APBB2: variants seen among roughly 807,000 people sequenced by gnomAD.
APBB2 encodes the protein amyloid beta precursor protein binding family B member 2.
In APBB2, 38 loss-of-function variants were observed where a neutral mutation model predicts 82.5. That is an observed-to-expected ratio of 0.46 (90% CI 0.36 to 0.60). APBB2 has a LOEUF of 0.60. APBB2 is among the 20% of genes least tolerant of loss of function. APBB2 has a pLI of 0.00. For missense variants in APBB2, 772 were observed against 972.3 expected (o/e 0.79, Z 2.74); for synonymous variants, 341 against 368.2 (o/e 0.93, Z 0.85).
intron 12 of APBB2, chr4:40,880,684 T>C (rs1197649060): frequency 2.0e-6 from 2 of 985,330 alleles, no homozygotes; most frequent in East Asian, 2.3e-4. Flanking sequence ...TCTCCCTCGC[T>C]CTGCATCCAG....
At chr4:40,944,257 A>G (rs1445837508) in intron 7 of APBB2, among the ~76,000 whole-genome samples, 1 of 152,244 alleles carries the variant, frequency 6.6e-6, no homozygotes, top group Admixed American at 6.5e-5. Flanking sequence ...AAACACCACA[A>G]TGACATTTTT....
chr4:41,157,217 G>A, intron 1 of APBB2, among the ~76,000 whole-genome samples: 1 of 152,074 alleles, frequency 6.6e-6, no homozygotes, highest in Non-Finnish European at 1.5e-5. Flanking sequence ...TTTCCCCGAG[G>A]GCTCCAGAAT....
intron 12 of APBB2, among the ~76,000 whole-genome samples, chr4:40,877,335 G>A (rs1366520250): frequency 6.6e-6 from 1 of 152,168 alleles, no homozygotes; most frequent in East Asian, 1.9e-4. Flanking sequence ...CGTGGCACGT[G>A]GTTAGGAAAG....
At chr4:40,951,385 GGTA>G (rs1790113370) in intron 6 of APBB2, among the ~76,000 whole-genome samples, 1 of 152,200 alleles carries the variant, frequency 6.6e-6, no homozygotes, top group African/African-American at 2.4e-5. Flanking sequence ...GCCTAGTCGA[GGTA>G]TTTTTCAGTA....
At chr4:41,202,512 C>T (rs983140157) in intron 1 of APBB2, among the ~76,000 whole-genome samples, 10 of 152,164 alleles carry the variant, frequency 6.6e-5, no homozygotes, top group East Asian at 5.8e-4. Context: ...GGAGGAAGAA[C>T]GATAACGCCA....
At chr4:40,908,084 T>C (rs964163799) in intron 10 of APBB2, among the ~76,000 whole-genome samples, 1 of 151,522 alleles carries the variant, frequency 6.6e-6, no homozygotes, top group Admixed American at 6.6e-5. Context: ...TGTGTGTGTA[T>C]GTGTCTGTGT....
chr4:40,996,196 T>C (rs192447834), intron 6 of APBB2, among the ~76,000 whole-genome samples: 365 of 152,342 alleles, frequency 2.4e-3, no homozygotes, highest in Non-Finnish European at 4.4e-3. Context: ...TGAGAGTTCA[T>C]TGGTGAATGA....
At chr4:41,120,363 T>C (rs1752441363) in intron 2 of APBB2, among the ~76,000 whole-genome samples, 1 of 152,046 alleles carries the variant, frequency 6.6e-6, no homozygotes, top group Non-Finnish European at 1.5e-5. Flanking sequence ...CAAAGTGCCT[T>C]TGCATGCAGT....
intron 2 of APBB2, among the ~76,000 whole-genome samples, chr4:41,140,524 C>T (rs1758811118): frequency 1.3e-5 from 2 of 152,122 alleles, no homozygotes; most frequent in African/African-American, 4.8e-5. Flanking sequence ...TTGTTCTTAC[C>T]TCTAGAGATA....
intron 1 of APBB2, among the ~76,000 whole-genome samples, chr4:41,159,135 G>A (rs1373765230): frequency 6.6e-6 from 1 of 152,204 alleles, no homozygotes; most frequent in Non-Finnish European, 1.5e-5. Context: ...CCTCCTCCAA[G>A]AGAGGACTGT....
chr4:41,199,032 A>G (rs560920313), intron 1 of APBB2, among the ~76,000 whole-genome samples: 109 of 152,358 alleles, frequency 7.2e-4, no homozygotes, highest in Non-Finnish European at 1.3e-3. Context: ...AAAACCAGTT[A>G]TAAGGAATTA....
intron 3 of APBB2, among the ~76,000 whole-genome samples, chr4:41,078,050 T>G (rs1290491022): frequency 6.6e-6 from 1 of 152,138 alleles, no homozygotes. Context: ...AATAACAGTA[T>G]CCTGCATAGC....
At chr4:41,089,244 T>C (rs12499362) in intron 3 of APBB2, among the ~76,000 whole-genome samples, 21,508 of 152,142 alleles carry the variant, frequency 0.14, 1,797 homozygotes, top group Non-Finnish European at 0.19. Context: ...CCAAAATGCT[T>C]GGGAAGAGAA....
intron 12 of APBB2, among the ~76,000 whole-genome samples, chr4:40,879,173 T>C (rs13131584): frequency 0.3 from 37,419 of 123,358 alleles, 6,992 homozygotes; most frequent in East Asian, 0.6. Flanking sequence ...CTTCTTATCT[T>C]AAGAGAGAGC....
At chr4:41,204,870 C>G (rs527646577) in intron 1 of APBB2, among the ~76,000 whole-genome samples, 1 of 152,158 alleles carries the variant, frequency 6.6e-6, no homozygotes, top group Non-Finnish European at 1.5e-5. Context: ...TCTCTAGTCA[C>G]CATTCAAAAC....
At chr4:40,905,079 C>CT (rs1440115889) in intron 10 of APBB2, among the ~76,000 whole-genome samples, 5 of 152,228 alleles carry the variant, frequency 3.3e-5, no homozygotes, top group South Asian at 2.1e-4. Context: ...ATGTTAACCT[C>CT]TGACAGGCCC....
intron 10 of APBB2, among the ~76,000 whole-genome samples, chr4:40,897,521 A>G (rs1774006016): frequency 6.6e-6 from 1 of 152,104 alleles, no homozygotes; most frequent in Non-Finnish European, 1.5e-5. Flanking sequence ...TCCGTCTCAA[A>G]AAAAAAAAAA....
chr4:41,066,947 G>A (rs901195942), intron 3 of APBB2, among the ~76,000 whole-genome samples: 9 of 152,258 alleles, frequency 5.9e-5, no homozygotes, highest in Admixed American at 3.9e-4. Context: ...GGAAAGGGTG[G>A]AGATTAGGGC....
intron 3 of APBB2, among the ~76,000 whole-genome samples, chr4:41,097,858 G>C (rs1744075679): frequency 6.6e-6 from 1 of 152,106 alleles, no homozygotes. Flanking sequence ...AAGAAGTGTG[G>C]AGGTTGTCTA....
Sources: gnomAD v4.1 joint callset for allele counts (sites outside exome capture counted in the v4.1 genomes callset) on GRCh38, gnomAD v4.1.1 for gene constraint, MANE v1.5 for transcripts, NCBI Gene and HGNC (gene_info 2026-07-23, HGNC 2026-07-21) for gene names.